GALNT17: variants seen among roughly 807,000 people sequenced by gnomAD.
GALNT17 encodes UDP-GalNAc:polypeptide N-acetylgalactosaminyltransferase-like 3.
Under a neutral mutation model 63.7 loss-of-function variants are expected in GALNT17, and 29 were observed. The ratio of observed to expected loss-of-function variants is 0.46; its 90% CI spans 0.34 to 0.62. GALNT17 has a LOEUF of 0.62. Ranked by LOEUF, GALNT17 falls within the 20% of genes least tolerant of loss-of-function variation. The probability of loss-of-function intolerance (pLI) is 0.01; values close to 1 mark genes in which losing one functional copy is unlikely to be tolerated. For missense variants in GALNT17, 603 were observed against 799.6 expected (o/e 0.75, Z 2.97); for synonymous variants, 305 against 318.3 (o/e 0.96, Z 0.45).
chr7:71,668,623 C>T (rs1791021670), intron 7 of GALNT17, among the ~76,000 whole-genome samples: 1 of 149,358 alleles, frequency 6.7e-6, no homozygotes, highest in African/African-American at 2.4e-5. Flanking sequence ...ATAAGTTTGA[C>T]ATTTAAAGGG....
intron 5 of GALNT17, among the ~76,000 whole-genome samples, chr7:71,460,537 C>A (rs1393175971): frequency 6.6e-6 from 1 of 152,032 alleles, no homozygotes; most frequent in African/African-American, 2.4e-5. Flanking sequence ...AGTAGTGTTA[C>A]CAGAAAGGGG....
intron 1 of GALNT17, among the ~76,000 whole-genome samples, chr7:71,146,986 TAGTTACATAC>T (rs1314348773): frequency 2.6e-5 from 4 of 152,192 alleles, no homozygotes; most frequent in Non-Finnish European, 4.4e-5. Context: ...GAATGTCCTG[TAGTTACATAC>T]AGCTTGTTAG....
chr7:71,391,211 G>GA (rs1793044071), intron 3 of GALNT17, among the ~76,000 whole-genome samples: 1 of 152,150 alleles, frequency 6.6e-6, no homozygotes, highest in Admixed American at 6.5e-5. Context: ...CCCGGGGCTA[G>GA]AACACCCAGA....
At chr7:71,647,266 A>C (rs1449787687) in intron 6 of GALNT17, among the ~76,000 whole-genome samples, 1 of 143,420 alleles carries the variant, frequency 7.0e-6, no homozygotes, top group Non-Finnish European at 1.5e-5. Context: ...ATGGGATTTC[A>C]CCATGTTGGC....
At chr7:71,336,076 C>T (rs1432463096) in intron 2 of GALNT17, among the ~76,000 whole-genome samples, 1 of 122,078 alleles carries the variant, frequency 8.2e-6, no homozygotes, top group African/African-American at 3.0e-5. Context: ...CAGAGTGTCG[C>T]TCTTGTTGCC....
intron 2 of GALNT17, among the ~76,000 whole-genome samples, chr7:71,373,242 T>G (rs1792659546): frequency 6.6e-6 from 1 of 152,180 alleles, no homozygotes; most frequent in African/African-American, 2.4e-5. Flanking sequence ...GTGGAGTCCC[T>G]CTGTAACAAT....
At chr7:71,396,984 CTTGA>C (rs1299771970) in intron 3 of GALNT17, among the ~76,000 whole-genome samples, 1 of 151,936 alleles carries the variant, frequency 6.6e-6, no homozygotes, top group Non-Finnish European at 1.5e-5. Flanking sequence ...CTTTGCTGAA[CTTGA>C]TTATTAGCTC....
chr7:71,207,669 C>G (rs1338924325), intron 1 of GALNT17, among the ~76,000 whole-genome samples: 2 of 152,198 alleles, frequency 1.3e-5, no homozygotes, highest in Middle Eastern at 6.8e-3. Flanking sequence ...AAGTGTCACT[C>G]GCACCTGGAA....
intron 1 of GALNT17, among the ~76,000 whole-genome samples, chr7:71,198,316 C>T (rs893533484): frequency 1.3e-5 from 2 of 152,008 alleles, no homozygotes; most frequent in African/African-American, 2.4e-5. Flanking sequence ...GCTCTCCCAT[C>T]CAAAAGCAAT....
chr7:71,487,623 T>TA lies in GALNT17; in HGVS notation c.962+66523dup, dbSNP rs150914831. ...CCCATCTCTATAAAAGAATTAAAAA[T>TA]AAAAATTAGCTGGGTGTGGTAGTGC... On this transcript the variant is annotated intron_variant, in intron 5 of 10. Coordinates refer to ENST00000333538, the MANE Select transcript of GALNT17 (RefSeq NM_022479.3). 7.1e-3 allele frequency among the ~76,000 whole-genome samples: 1,073 copies of TA among 152,048 alleles called. 18 individuals are homozygous for TA. The highest frequency in any genetic ancestry group is 0.025 in the African/African-American group (1,019 of 41,462).
chr7:71,292,541 C>T (rs780249097), intron 1 of GALNT17, among the ~76,000 whole-genome samples: 14 of 151,806 alleles, frequency 9.2e-5, no homozygotes, highest in Non-Finnish European at 1.6e-4. Flanking sequence ...TGTATATATT[C>T]AAGATGTATT....
intron 5 of GALNT17, among the ~76,000 whole-genome samples, chr7:71,477,702 A>C (rs1413264020): frequency 6.6e-6 from 1 of 152,136 alleles, no homozygotes; most frequent in Admixed American, 6.5e-5. Flanking sequence ...AAAAACAAAA[A>C]AAAAGGTTGA....
chr7:71,192,694 C>A (rs1232605984), intron 1 of GALNT17, among the ~76,000 whole-genome samples: 3 of 152,138 alleles, frequency 2.0e-5, no homozygotes, highest in Non-Finnish European at 4.4e-5. Flanking sequence ...CTGCACCCAG[C>A]CCTATATTTA....
chr7:71,657,394 G>A (rs1321601353), intron 6 of GALNT17, among the ~76,000 whole-genome samples: 3 of 152,200 alleles, frequency 2.0e-5, no homozygotes, highest in African/African-American at 7.2e-5. Flanking sequence ...CATCAAAAAT[G>A]TTTGGAGCCC....
In GALNT17 at chr7:71,581,820, C is replaced by T. The variant is rs1220580624; in HGVS notation, c.1080+10418C>T. ...TTTGAGGAGTAGCAGTTCTCTCTAA[C>T]CTGACAGTGAGATGTCAAGGGAACA... On this transcript the variant is annotated intron_variant, in intron 6 of 10. Coordinates refer to ENST00000333538, the MANE Select transcript of GALNT17 (RefSeq NM_022479.3). Among the ~76,000 whole-genome samples, 9 of 152,104 alleles carry T rather than the reference C, an allele frequency of 5.9e-5. No individual in the cohort carries two copies. In the East Asian group the frequency reaches 1.5e-3, roughly 26 times the overall value.
intron 6 of GALNT17, among the ~76,000 whole-genome samples, chr7:71,654,769 T>C (rs939441757): frequency 1.3e-5 from 2 of 151,872 alleles, no homozygotes; most frequent in Admixed American, 6.6e-5. Context: ...ACCGGGAGGG[T>C]TTTATTTTAT....
chr7:71,509,750 CAG>C (rs1788324508), intron 5 of GALNT17, among the ~76,000 whole-genome samples: 3 of 152,106 alleles, frequency 2.0e-5, no homozygotes, highest in Admixed American at 2.0e-4. Flanking sequence ...GACATGGGAA[CAG>C]AGAGATGGAG....
At chr7:71,512,418 G>T (rs1214874056) in intron 5 of GALNT17, among the ~76,000 whole-genome samples, 1 of 152,138 alleles carries the variant, frequency 6.6e-6, no homozygotes, top group Non-Finnish European at 1.5e-5. Context: ...GGGTGGACAT[G>T]CCCTGACTTC....
At chr7:71,563,028 A>G (rs756553403) in intron 5 of GALNT17, among the ~76,000 whole-genome samples, 19 of 152,170 alleles carry the variant, frequency 1.2e-4, no homozygotes, top group Non-Finnish European at 2.6e-4. Context: ...CCCTCTTCTC[A>G]CTGTCTATTC....
Sources: allele counts gnomAD v4.1 joint callset (sites outside exome capture counted in the v4.1 genomes callset), GRCh38; gene constraint gnomAD v4.1.1; transcripts MANE v1.5; gene names NCBI Gene and HGNC (gene_info 2026-07-23, HGNC 2026-07-21).